Variants in RSPH14 observed in about 807,000 individuals in gnomAD.
The protein encoded by RSPH14 is radial spoke head 14 homolog.
Under a neutral mutation model 26.7 loss-of-function variants are expected in RSPH14, and 20 were observed. That is an observed-to-expected ratio of 0.75 (90% CI 0.53 to 1.09). The LOEUF is 1.09. RSPH14 is among the 50% of genes least tolerant of loss of function. RSPH14 has a pLI of 0.00. For missense variants in RSPH14, 449 were observed against 457.2 expected, an observed-to-expected ratio of 0.98 and a Z score of 0.16; for synonymous variants, 177 against 189.3, an observed-to-expected ratio of 0.93 and a Z score of 0.53.
At chr22:23,062,041 T>A in intron 5 of RSPH14, 96 bp from the exon 6 acceptor site, 1 of 1,456,180 alleles carries the variant, frequency 6.9e-7, no homozygotes, top group Non-Finnish European at 9.4e-7. Flanking sequence ...GAAATAATTG[T>A]GTGGGGGCTA....
At chr22:23,132,584 A>C (rs910708986) in intron 4 of RSPH14, 1 of 152,074 alleles carries the variant, frequency 6.6e-6, no homozygotes, top group Admixed American at 6.6e-5. Flanking sequence ...TAAAACCAAA[A>C]TGAGATACTA....
intron 4 of RSPH14, chr22:23,123,212 G>A (rs367612065): frequency 3.3e-5 from 54 of 1,613,846 alleles, no homozygotes; most frequent in African/African-American, 2.9e-4. Context: ...GCCGCATCCC[G>A]CTCACCATCT....
chr22:23,174,766 C>T, the RSPH14 span, among the ~76,000 whole-genome samples: 4 of 151,074 alleles, frequency 2.6e-5, no homozygotes, highest in East Asian at 3.9e-4. Context: ...GTTGGGAGTT[C>T]GCAACCAGCC....
In RSPH14 at chr22:23,137,113, A is replaced by G. The variant is rs1330200843; in HGVS notation, c.302+1727T>C. Reference sequence around the variant, plus strand: ...TGCACACAGGATCAGCCACCAAGGCAGCGAGAGCTTGGGGACTAGCAGGGC... The same window carrying G: ...TGCACACAGGATCAGCCACCAAGGCGGCGAGAGCTTGGGGACTAGCAGGGC... On this transcript the variant is annotated intron_variant, in intron 3 of 6. Transcript: ENST00000216036. 3.6e-5 allele frequency among the ~76,000 whole-genome samples: 5 copies of G among 139,196 alleles called. 2 individuals carry two copies. Among genetic ancestry groups the G allele is most frequent in the Non-Finnish European group, 8.0e-5 (5 of 62,338 alleles). The allele number at this position is 139,196 out of a possible 152,430, so 91.3% of individuals were successfully genotyped here.
At chr22:23,146,781 C>T (rs1303217898), upstream of RSPH14, 1 of 1,507,406 alleles carries the variant, frequency 6.6e-7, no homozygotes, top group Non-Finnish European at 8.9e-7. Flanking sequence ...GCAGGTGAAT[C>T]AAGGAGGTCT....
rs1423658731 is a variant in RSPH14, at chr22:23,138,882, G to A, written c.260C>T (p.Thr87Ile). The A allele has an allele frequency of 1.3e-6, 2 of 1,551,418 alleles. No homozygotes were observed. The highest frequency in any genetic ancestry group is 1.7e-6 in the Non-Finnish European group (2 of 1,147,320). The part of the protein sequence containing the change: ...KDSNSMVRIK[T>I]TEVLHITASH... ...TGCCGTGATGTGGAGCACCTCGGTGGTCTTTATGCGCACCATACTGTTGCT... is the reference window on the plus strand; with the variant it reads ...TGCCGTGATGTGGAGCACCTCGGTGATCTTTATGCGCACCATACTGTTGCT... Residue 87 changes from threonine (T) to isoleucine (I), a missense_variant, in exon 3 of 7, where the codon ACC becomes ATC. By Grantham distance (89) the Thr-to-Ile change is moderately conservative (BLOSUM62 -1). Transcript: ENST00000216036.
chr22:23,132,092 G>C (rs2070370052), intron 4 of RSPH14, among the ~76,000 whole-genome samples: 2 of 152,192 alleles, frequency 1.3e-5, no homozygotes, highest in African/African-American at 4.8e-5. Context: ...TCCTTGGGCA[G>C]GACGCTGAGC....
upstream of RSPH14, chr22:23,145,366 A>T (rs774123828): frequency 6.2e-7 from 1 of 1,605,634 alleles, no homozygotes; most frequent in Non-Finnish European, 8.5e-7. Context: ...TCTCGTTGCT[A>T]TGGTGATCGC....
chr22:23,084,865 C>T (rs753105319), intron 4 of RSPH14, among the ~76,000 whole-genome samples: 2 of 152,212 alleles, frequency 1.3e-5, no homozygotes, highest in Non-Finnish European at 1.5e-5. Flanking sequence ...TGCCAGAGGA[C>T]GCACTGTCTG....
intron 4 of RSPH14, among the ~76,000 whole-genome samples, chr22:23,092,403 A>G (rs1042213072): frequency 1.3e-5 from 2 of 151,854 alleles, no homozygotes; most frequent in African/African-American, 4.8e-5. Flanking sequence ...CCCAAACACA[A>G]CACAGCCCCA....
chr22:23,138,445 C>G (rs1391397201), intron 3 of RSPH14, among the ~76,000 whole-genome samples: 1 of 152,096 alleles, frequency 6.6e-6, no homozygotes, highest in Non-Finnish European at 1.5e-5. Context: ...CCTGTAGTCC[C>G]AGCTACTCAG....
chr22:23,126,619 C>T (rs928154077), intron 4 of RSPH14, among the ~76,000 whole-genome samples: 1 of 152,326 alleles, frequency 6.6e-6, no homozygotes, highest in South Asian at 2.1e-4. Context: ...ATGGAGAAGG[C>T]GCATGCTGAG....
chr22:23,142,670 A>C (rs1454140202), upstream of RSPH14, among the ~76,000 whole-genome samples: 2 of 152,200 alleles, frequency 1.3e-5, no homozygotes, highest in Non-Finnish European at 2.9e-5. Context: ...CCTGATCTCA[A>C]GACTGCCTAG....
chr22:23,096,944 G>A (rs1025595041), intron 4 of RSPH14, among the ~76,000 whole-genome samples: 6 of 152,252 alleles, frequency 3.9e-5, no homozygotes, highest in Admixed American at 6.5e-5. Flanking sequence ...AGTGTGAAGC[G>A]GTGGGGGCTT....
chr22:23,172,699 C>T, the RSPH14 span, among the ~76,000 whole-genome samples: 1 of 149,718 alleles, frequency 6.7e-6, no homozygotes, highest in South Asian at 2.1e-4. Flanking sequence ...CCTTTAATCC[C>T]AGCACTTTGG....
At chr22:23,155,929 C>G in the RSPH14 span, 5 of 1,568,548 alleles carry the variant, frequency 3.2e-6, no homozygotes, top group African/African-American at 4.1e-5. Flanking sequence ...GATTGTGTAG[C>G]CTGACACCAT....
chr22:23,166,564 G>A, the RSPH14 span, among the ~76,000 whole-genome samples: 5 of 152,178 alleles, frequency 3.3e-5, no homozygotes, highest in East Asian at 1.9e-4. Flanking sequence ...GGGTCAGGTT[G>A]CCCTTGATCC....
In RSPH14 at chr22:23,096,187, C is replaced by T. The variant is rs146984912; in HGVS notation, c.422-32054G>A. On this transcript the variant is annotated intron_variant, in intron 4 of 6. Transcript: ENST00000216036. ...ACCTGAACGACCTGGAGCGCATCGC[C>T]GCAGCTGACTATATCCCCACTGTCG... 256 of 1,613,388 alleles carry T rather than the reference C, an allele frequency of 1.6e-4. 1 individual carries two copies. Among genetic ancestry groups the T allele is most frequent in the Middle Eastern group, 1.5e-3 (9 of 6,058 alleles).
intron 2 of RSPH14, 82 bp from the exon 3 acceptor site, chr22:23,139,024 G>T: frequency 9.1e-7 from 1 of 1,103,878 alleles, no homozygotes. Context: ...AAGTCAATAA[G>T]TGGGCCAGTT....
Sources: gnomAD v4.1 joint callset for allele counts (sites outside exome capture counted in the v4.1 genomes callset) on GRCh38, gnomAD v4.1.1 for gene constraint, MANE v1.5 for transcripts, NCBI Gene and HGNC (gene_info 2026-07-23, HGNC 2026-07-21) for gene names.